The following DISP1 variants were observed in gnomAD, a reference collection of about 807,000 sequenced individuals.
DISP1 encodes protein dispatched homolog 1.
DISP1 carries 30 observed loss-of-function variants against 37.3 expected under a neutral mutation model. That is an observed-to-expected ratio of 0.80 (90% CI 0.60 to 1.09). The LOEUF is 1.09. Ranked by LOEUF, DISP1 falls within the 50% of genes least tolerant of loss-of-function variation. The pLI is 0.00. For missense variants in DISP1, 1,598 were observed against 1,879.5 expected (o/e 0.85, Z 2.77); for synonymous variants, 634 against 690.2 (o/e 0.92, Z 1.28).
At chr1:222,926,906 G>A (rs758188793) in intron 1 of DISP1, among the ~76,000 whole-genome samples, 16 of 152,108 alleles carry the variant, frequency 1.1e-4, no homozygotes, top group African/African-American at 7.2e-5. Context: ...AGTGACTCAC[G>A]TTTTTCACCG....
chr1:222,881,947 T>C (rs954578354), intron 1 of DISP1, among the ~76,000 whole-genome samples: 1 of 152,302 alleles, frequency 6.6e-6, no homozygotes, highest in African/African-American at 2.4e-5. Flanking sequence ...CTTAATACCA[T>C]TGCATTGAAT....
chr1:222,907,529 C>T (rs1361600023), intron 1 of DISP1, among the ~76,000 whole-genome samples: 3 of 152,118 alleles, frequency 2.0e-5, no homozygotes, highest in African/African-American at 7.2e-5. Context: ...TTCTGATATC[C>T]TTAGGCTAAC....
intron 8 of DISP1, among the ~76,000 whole-genome samples, chr1:223,000,314 A>G (rs559602155): frequency 6.2e-4 from 95 of 152,298 alleles, no homozygotes; most frequent in African/African-American, 2.1e-3. Context: ...GTAACCTGCC[A>G]TGAAAACCAG....
chr1:222,957,880 G>A (rs1204262488), intron 3 of DISP1, among the ~76,000 whole-genome samples: 2 of 152,188 alleles, frequency 1.3e-5, no homozygotes, highest in Non-Finnish European at 2.9e-5. Flanking sequence ...ACCTAAGTTG[G>A]AACTGAAGCT....
intron 7 of DISP1, among the ~76,000 whole-genome samples, chr1:222,993,609 A>C (rs540352472): frequency 8.5e-5 from 13 of 152,332 alleles, no homozygotes; most frequent in African/African-American, 3.1e-4. Flanking sequence ...CCCAGGAAGC[A>C]ATACATGTTT....
chr1:222,881,918 AT>A (rs1414394168), intron 1 of DISP1, among the ~76,000 whole-genome samples: 1 of 152,196 alleles, frequency 6.6e-6, no homozygotes, highest in African/African-American at 2.4e-5. Context: ...GTGTTTGTGT[AT>A]TTGACATGTA....
intron 1 of DISP1, among the ~76,000 whole-genome samples, chr1:222,816,603 G>A (rs1044803667): frequency 1.3e-5 from 2 of 152,144 alleles, no homozygotes; most frequent in African/African-American, 4.8e-5. Context: ...TATATTTATT[G>A]GTACTGCGAT....
Position 222,907,582 on chromosome 1 carries a change from A to G in DISP1, c.-158-20848A>G, listed in dbSNP as rs549190876. ...CTGGAGGAGGAAAGTCAGGTACCAA[A>G]TAAAAGCAGTGAGATTAGAGATTAT... On this transcript the variant is annotated intron_variant, in intron 1 of 8. Coordinates refer to ENST00000675850, the MANE Select transcript of DISP1 (RefSeq NM_001377229.1). 6.6e-5 allele frequency among the ~76,000 whole-genome samples: 10 copies of G among 152,338 alleles called. No individual in the cohort carries two copies. The South Asian group carries it at 1.9e-3, about 28-fold the overall frequency.
intron 1 of DISP1, among the ~76,000 whole-genome samples, chr1:222,835,850 G>A (rs1289507489): frequency 2.0e-5 from 3 of 151,870 alleles, no homozygotes; most frequent in African/African-American, 7.3e-5. Context: ...TACTTGGGAG[G>A]CTGAGGCAAG....
chr1:222,862,141 G>A (rs1668913126), intron 1 of DISP1, among the ~76,000 whole-genome samples: 1 of 152,154 alleles, frequency 6.6e-6, no homozygotes, highest in Non-Finnish European at 1.5e-5. Flanking sequence ...CTGAATGACT[G>A]CATGCATGAA....
At chr1:222,862,847 C>T (rs1572367644) in intron 1 of DISP1, among the ~76,000 whole-genome samples, 1 of 152,230 alleles carries the variant, frequency 6.6e-6, no homozygotes, top group East Asian at 1.9e-4. Context: ...GTATCTTTTG[C>T]AGCTATTTTT....
intron 1 of DISP1, among the ~76,000 whole-genome samples, chr1:222,873,742 G>T (rs1373803462): frequency 6.6e-6 from 1 of 152,156 alleles, no homozygotes; most frequent in Non-Finnish European, 1.5e-5. Context: ...GCCAGTCTGT[G>T]CCTTTTAATT....
intron 1 of DISP1, among the ~76,000 whole-genome samples, chr1:222,849,699 A>T (rs1245148825): frequency 6.6e-6 from 1 of 152,152 alleles, no homozygotes; most frequent in Non-Finnish European, 1.5e-5. Flanking sequence ...AAAATATTCT[A>T]ATGTACATGA....
At chr1:222,965,505 TG>T (rs1190462487) in intron 3 of DISP1, among the ~76,000 whole-genome samples, 1 of 152,200 alleles carries the variant, frequency 6.6e-6, no homozygotes. Flanking sequence ...CAAACTCATT[TG>T]ATTTCTTCTC....
intron 1 of DISP1, among the ~76,000 whole-genome samples, chr1:222,910,072 T>C (rs1558324302): frequency 2.6e-5 from 4 of 152,282 alleles, no homozygotes; most frequent in East Asian, 1.9e-4. Flanking sequence ...TAAACTATTA[T>C]TCAAGGATGA....
At chr1:222,935,839 G>A (rs1169881871) in intron 2 of DISP1, among the ~76,000 whole-genome samples, 1 of 152,144 alleles carries the variant, frequency 6.6e-6, no homozygotes, top group Non-Finnish European at 1.5e-5. Context: ...TTTTCTTAAC[G>A]CTATTTGTAT....
rs547838919 is a variant in DISP1, at chr1:222,894,449, G to A, written c.-158-33981G>A. Among the ~76,000 whole-genome samples, 20 of 152,376 alleles carry A rather than the reference G, an allele frequency of 1.3e-4. No individual in the cohort carries two copies. The South Asian group carries it at 1.9e-3, about 14-fold the overall frequency. On this transcript the variant is annotated intron_variant, in intron 1 of 8. Coordinates refer to ENST00000675850, the MANE Select transcript of DISP1 (RefSeq NM_001377229.1). ...GACTGAGGCAGCAGGGGGCTGGAGT[G>A]TTAGCACTGCCTCAACTGTGCACAC...
At chr1:222,874,771 T>C (rs200386526) in intron 1 of DISP1, among the ~76,000 whole-genome samples, 1 of 152,226 alleles carries the variant, frequency 6.6e-6, no homozygotes, top group African/African-American at 2.4e-5. Flanking sequence ...TCAAAGTCAT[T>C]CTCCGTCCAG....
At chr1:222,843,360 A>AT (rs905634377) in intron 1 of DISP1, among the ~76,000 whole-genome samples, 1 of 151,934 alleles carries the variant, frequency 6.6e-6, no homozygotes, top group African/African-American at 2.4e-5. Context: ...TATTTAAAAT[A>AT]TTTTTTTCAA....
Sources: gnomAD v4.1 joint callset for allele counts (sites outside exome capture counted in the v4.1 genomes callset) on GRCh38, gnomAD v4.1.1 for gene constraint, MANE v1.5 for transcripts, NCBI Gene and HGNC (gene_info 2026-07-23, HGNC 2026-07-21) for gene names.